YLPM1: variants seen among roughly 807,000 people sequenced by gnomAD.
YLPM1 encodes the protein YLP motif-containing protein 1.
Under a neutral mutation model 230.0 loss-of-function variants are expected in YLPM1, and 99 were observed. The observed-to-expected ratio is 0.43, with a 90% CI of 0.37 to 0.51. The LOEUF (loss-of-function observed/expected upper bound fraction) is 0.51, where lower values mean the gene tolerates loss of function less well. Among genes scored for constraint, YLPM1 ranks in the 20% least tolerant of loss-of-function variants. YLPM1 has a pLI of 0.00. For missense variants in YLPM1, 2,592 were observed against 2,707.7 expected (o/e 0.96, Z 0.95); for synonymous variants, 984 against 942.5 (o/e 1.04, Z -0.81).
rs537488255 is a variant in YLPM1 at position 74,781,447 on chromosome 14, C to T, written c.1404C>T (p.Ser468=). 1 of 1,611,982 alleles carries T rather than the reference C, an allele frequency of 6.2e-7. No individual in the cohort carries two copies. Among genetic ancestry groups the T allele is most frequent in the African/African-American group, 1.3e-5 (1 of 75,010 alleles). Residue 468 remains serine, a synonymous_variant, in exon 4 of 21, where the codon TCC becomes TCT. Coordinates refer to ENST00000325680, the MANE Select transcript of YLPM1 (RefSeq NM_019589.3). ...AGCTATGGGAGGAACAACTCCATTC[C>T]TATCCTCATAAAGATCAGCTTCAGG... The part of the protein sequence containing the change: ...EFQLWEEQLH[S]YPHKDQLQEY...
At chr14:74,829,072 A>T in intron 18 of YLPM1, 141 bp from the exon 19 acceptor site, 4 of 854,088 alleles carry the variant, frequency 4.7e-6, no homozygotes, top group Non-Finnish European at 5.3e-6. Context: ...CCAAGAAGAT[A>T]GTTTGGATCT....
rs1389363708 is a variant in YLPM1, at chr14:74,763,408, G to A, written c.-82G>A. 1 of 1,372,754 alleles carries A rather than the reference G, an allele frequency of 7.3e-7. No individual in the cohort carries two copies. The highest frequency in any genetic ancestry group is 9.5e-7 in the Non-Finnish European group (1 of 1,055,748). The allele number at this position is 1,372,754 out of a possible 1,614,324, so 85.0% of individuals were successfully genotyped here. A position where few individuals can be genotyped will look rare whatever the true frequency, so the allele number is the denominator to read the frequency against. ...CCTGTAGGCGCCGCGAGTTCCGGCT[G>A]TCGCCGTCGCCGCCGCGGCTCCTGG... On this transcript the variant is annotated 5_prime_UTR_variant, in exon 1 of 21. Transcript: ENST00000325680.
Position 74,781,317 on chromosome 14 carries a change from T to TA in YLPM1, c.1291-16dup. ...TATATGAATGGTTTTAAATAGTTTT[T>TA]ATCCCTTTATTTGTAGACCATGTCT... On this transcript the variant is annotated splice_polypyrimidine_tract_variant and intron_variant, in intron 3 of 20. Coordinates refer to ENST00000325680, the MANE Select transcript of YLPM1 (RefSeq NM_019589.3). The TA allele has an allele frequency of 6.6e-7, 1 of 1,511,032 alleles. No homozygotes were observed. The highest frequency in any genetic ancestry group is 8.8e-7 in the Non-Finnish European group (1 of 1,131,724). The allele number at this position is 1,511,032 out of a possible 1,614,324, so 93.6% of individuals were successfully genotyped here.
chr14:74,807,979 G>GT (rs1254692022), intron 6 of YLPM1, among the ~76,000 whole-genome samples: 4 of 152,254 alleles, frequency 2.6e-5, no homozygotes, highest in African/African-American at 2.4e-5. Context: ...TTCATGGAGG[G>GT]TTTTTTTAAA....
chr14:74,813,871 T>A, intron 11 of YLPM1, among the ~76,000 whole-genome samples: 1 of 152,214 alleles, frequency 6.6e-6, no homozygotes. Flanking sequence ...TTTAGTTGAT[T>A]CTTAAGGTTT....
At position 74,798,473 on chromosome 14, in the gene YLPM1, A is replaced by G; in HGVS notation, c.3176A>G (p.Asp1059Gly). 1 of 1,613,948 alleles carries G rather than the reference A, an allele frequency of 6.2e-7. No homozygotes were observed. Among genetic ancestry groups the G allele is most frequent in the African/African-American group, 1.3e-5 (1 of 75,052 alleles). Reference sequence around the variant, plus strand: ...TTGGTCAAGCAAGAAGACTTTCGGGATAAGATGATGGGTAGAAGAGAAGAT... The same window carrying G: ...TTGGTCAAGCAAGAAGACTTTCGGGGTAAGATGATGGGTAGAAGAGAAGAT... ...PGLVKQEDFR[D>G]KMMGRREDSR... Residue 1059 changes from aspartate to glycine, a missense_variant, in exon 5 of 21, where the codon GAT (aspartate) becomes GGT (glycine). Asp to Gly is a moderately conservative substitution (Grantham distance 94). Transcript: ENST00000325680.
chr14:74,774,658 G>A (rs1264267979), intron 1 of YLPM1, among the ~76,000 whole-genome samples: 1 of 152,044 alleles, frequency 6.6e-6, no homozygotes, highest in Non-Finnish European at 1.5e-5. Context: ...TACCTGCCTC[G>A]GCCTCCCAGA....
At chr14:74,773,145 G>A (rs902654236) in intron 1 of YLPM1, among the ~76,000 whole-genome samples, 2 of 152,154 alleles carry the variant, frequency 1.3e-5, no homozygotes, top group African/African-American at 4.8e-5. Context: ...AAAATTAGCC[G>A]GGCGTGGTGG....
At chr14:74,788,478 T>C (rs112046078) in intron 4 of YLPM1, among the ~76,000 whole-genome samples, 143 of 152,306 alleles carry the variant, frequency 9.4e-4, no homozygotes, top group African/African-American at 3.3e-3. Context: ...ACAAAATATG[T>C]GATAAGATAA....
In YLPM1 at chr14:74,798,697, A is replaced by T. The variant is rs1286400294; in HGVS notation, c.3400A>T (p.Ile1134Leu). 2 of 1,611,658 alleles carry T rather than the reference A, an allele frequency of 1.2e-6. No homozygotes were observed. Among genetic ancestry groups the T allele is most frequent in the South Asian group, 1.1e-5 (1 of 90,890 alleles). ...TCGAAGGGCTGGGAGTAGAGAGAGAATACCACCCCGAAGAGCTGGGAGCAG... is the reference window on the plus strand; with the variant it reads ...TCGAAGGGCTGGGAGTAGAGAGAGATTACCACCCCGAAGAGCTGGGAGCAG... ...PLRRAGSRERIPPRRAGSRER... is the reference protein window; with the variant it reads ...PLRRAGSRERLPPRRAGSRER... The change falls in exon 5 of 21, where the codon ATA (isoleucine) becomes TTA (leucine). Residue 1134 changes from isoleucine (I) to leucine (L), a missense_variant. Physicochemically the swap from Ile to Leu is conservative, Grantham distance 5 (BLOSUM62 2). Around this residue, in one of 4 missense-constraint regions of YLPM1, gnomAD observed 1,862 missense variants for 1,819.8 expected, o/e 1.02. Coordinates refer to ENST00000325680, the MANE Select transcript of YLPM1 (RefSeq NM_019589.3).
Position 74,782,305 on chromosome 14 carries a change from G to T in YLPM1, c.2262G>T (p.Leu754Phe). The change falls in exon 4 of 21, where the codon TTG (leucine) becomes TTT (phenylalanine). Residue 754 changes from leucine (L) to phenylalanine (F), a missense_variant. Coordinates refer to ENST00000325680, the MANE Select transcript of YLPM1 (RefSeq NM_019589.3). ...CAGATCCTCCTAGAAGTAGTTACTT[G>T]GAAAGTCCAAGAGGCCCAAGGTAGG... is the stretch of plus-strand genomic sequence containing the variant. ...LLPDPPRSSY[L>F]ESPRGPRFDG... 1.3e-6 allele frequency: 2 copies of T among 1,526,554 alleles called. No homozygotes were observed. The highest frequency in any genetic ancestry group is 2.2e-5 in the Admixed American group (1 of 45,838). 94.6% of individuals were successfully genotyped at this position (1,526,554 alleles called of 1,614,324 possible).
intron 11 of YLPM1, 53 bp from the exon 12 acceptor site, chr14:74,816,150 C>A: frequency 6.5e-7 from 1 of 1,526,904 alleles, no homozygotes; most frequent in Non-Finnish European, 8.9e-7. Flanking sequence ...TATCTCATTG[C>A]AGAAAATTTT....
rs1378998463 is a variant in YLPM1, at chr14:74,836,064, A to G, written c.*326A>G. ...CCTCCACTGTACAATGTCACAGACT[A>G]TCTCTATCATCATTGCTTTGTGGCT... On this transcript the variant is annotated 3_prime_UTR_variant, in exon 21 of 21. Coordinates refer to ENST00000325680, the MANE Select transcript of YLPM1 (RefSeq NM_019589.3). The G allele has an allele frequency of 6.5e-6, 2 of 309,962 alleles. No homozygotes were observed. Among genetic ancestry groups the G allele is most frequent in the Non-Finnish European group, 1.3e-5 (2 of 157,332 alleles). 19.2% of individuals were successfully genotyped at this position (309,962 alleles called of 1,614,324 possible).
At position 74,817,343 on chromosome 14, in the gene YLPM1, G is replaced by A. The variant is rs1594840588; in HGVS notation, c.5946+66G>A. The A allele has an allele frequency of 2.8e-6, 4 of 1,404,868 alleles. No homozygotes were observed. The East Asian group carries it at 7.5e-5, about 26-fold the overall frequency. 87.0% of individuals were successfully genotyped at this position (1,404,868 alleles called of 1,614,324 possible). On this transcript the variant is annotated intron_variant, in intron 15 of 20. Coordinates refer to ENST00000325680, the MANE Select transcript of YLPM1 (RefSeq NM_019589.3). ...GCTGCATAATGATGTTTTGGTTAAG[G>A]AAGGACTGCATATATGGTGGTCCCA...
chr14:74,811,248 A>G lies in YLPM1; in HGVS notation c.5229-372A>G, dbSNP rs537203617. 7.6e-4 allele frequency among the ~76,000 whole-genome samples: 115 copies of G among 152,228 alleles called. 1 individual carries two copies. Among genetic ancestry groups the G allele is most frequent in the African/African-American group, 2.5e-3 (104 of 41,554 alleles). On this transcript the variant is annotated intron_variant, in intron 9 of 20. Transcript: ENST00000325680. ...TGTAATCCTAGCACTTTGGGAGGCC[A>G]AGGCAGGTGGATCTCTTGAGCTCAG... is the stretch of plus-strand genomic sequence containing the variant.
Position 74,835,289 on chromosome 14 carries a change from A to C in YLPM1, c.6319A>C (p.Lys2107Gln). ...GGTCAGATGGGCAGACCTGGAAGAG[A>C]AGAAGGATGCAGATAGGAAAAGGGC... ...KRVRWADLEE[K>Q]KDADRKRAIG... The change falls in exon 20 of 21, where the codon AAG (lysine) becomes CAG (glutamine). Residue 2107 changes from lysine (K) to glutamine (Q), a missense_variant. This residue lies in a region of YLPM1 where 315 missense variants were observed against 429.3 expected (regional missense o/e 0.73). Coordinates refer to ENST00000325680, the MANE Select transcript of YLPM1 (RefSeq NM_019589.3). The C allele has an allele frequency of 6.2e-7, 1 of 1,613,702 alleles. No individual in the cohort carries two copies. Among genetic ancestry groups the C allele is most frequent in the Non-Finnish European group, 8.5e-7 (1 of 1,179,700 alleles).
At chr14:74,766,198 A>G (rs1166622075) in intron 1 of YLPM1, among the ~76,000 whole-genome samples, 1 of 152,200 alleles carries the variant, frequency 6.6e-6, no homozygotes, top group Admixed American at 6.5e-5. Context: ...TTTGTTGAAT[A>G]AAATACGAGA....
At chr14:74,777,338 C>T (rs572648479) in intron 1 of YLPM1, among the ~76,000 whole-genome samples, 3 of 149,058 alleles carry the variant, frequency 2.0e-5, no homozygotes, top group South Asian at 2.2e-4. Flanking sequence ...GGCCGAGGCT[C>T]GTGGATCACC....
At chr14:74,789,154 G>C (rs1378609427) in intron 4 of YLPM1, among the ~76,000 whole-genome samples, 1 of 152,080 alleles carries the variant, frequency 6.6e-6, no homozygotes, top group Non-Finnish European at 1.5e-5. Context: ...AATTACTGTA[G>C]CTTTACAATA....
Sources: gnomAD v4.1 joint callset for allele counts (sites outside exome capture counted in the v4.1 genomes callset) on GRCh38, gnomAD v4.1.1 for gene constraint, gnomAD v4.1.1 regional missense constraint, MANE v1.5 for transcripts, NCBI Gene and HGNC (gene_info 2026-07-23, HGNC 2026-07-21) for gene names.